The following EML6 variants were observed in gnomAD, a reference collection of about 807,000 sequenced individuals.
The protein encoded by EML6 is echinoderm microtubule-associated protein-like 6.
In EML6, 154 loss-of-function variants were observed where a neutral mutation model predicts 240.1. The ratio of observed to expected loss-of-function variants is 0.64; its 90% CI spans 0.56 to 0.73. The LOEUF is 0.73. Among genes scored for constraint, EML6 ranks in the 30% least tolerant of loss-of-function variants. EML6 has a pLI of 0.00. For synonymous variants in EML6, 1,148 were observed against 899.0 expected (o/e 1.28, Z -4.95); for missense variants, 2,964 against 2,474.6 (o/e 1.20, Z -4.20).
chr2:54,903,620 A>C, intron 24 of EML6, 118 bp downstream of exon 24: 2 of 783,556 alleles, frequency 2.6e-6, no homozygotes, highest in Non-Finnish European at 1.9e-6. Context: ...GAATCCCACA[A>C]CAATATAAAC....
At chr2:54,846,293 T>G (rs1405830547) in intron 8 of EML6, among the ~76,000 whole-genome samples, 1 of 152,112 alleles carries the variant, frequency 6.6e-6, no homozygotes, top group Non-Finnish European at 1.5e-5. Flanking sequence ...GTAACATATA[T>G]TTCAATCTGT....
Position 54,891,714 on chromosome 2 carries a change from C to T in EML6, c.2539+560C>T, listed in dbSNP as rs576650631. 4.1e-4 allele frequency among the ~76,000 whole-genome samples: 63 copies of T among 152,270 alleles called. 1 individual carries two copies. The highest frequency in any genetic ancestry group is 3.9e-3 in the Admixed American group (59 of 15,294). ...GAATTCTTAGTATCAGCTTTGGTGC[C>T]AAGCCCTAACTTATTATGCACAAAA... On this transcript the variant is annotated intron_variant, in intron 18 of 41. Coordinates refer to ENST00000356458, the MANE Select transcript of EML6 (RefSeq NM_001039753.4).
chr2:54,920,254 A>T (rs896144198), intron 26 of EML6, among the ~76,000 whole-genome samples: 1 of 152,116 alleles, frequency 6.6e-6, no homozygotes, highest in African/African-American at 2.4e-5. Context: ...GTTTTTGAAA[A>T]GGTAAAATTG....
chr2:54,840,589 A>G (rs1419359258), intron 7 of EML6, among the ~76,000 whole-genome samples: 1 of 152,226 alleles, frequency 6.6e-6, no homozygotes, highest in African/African-American at 2.4e-5. Flanking sequence ...AAATAAAGGA[A>G]TGAATATATC....
In EML6 at chr2:54,968,287, T is replaced by A; in HGVS notation, c.5751+6T>A. 1 of 1,551,618 alleles carries A rather than the reference T, an allele frequency of 6.4e-7. No individual in the cohort carries two copies. Among genetic ancestry groups the A allele is most frequent in the Non-Finnish European group, 8.7e-7 (1 of 1,146,988 alleles). On this transcript the variant is annotated splice_donor_region_variant and intron_variant, in intron 40 of 41. Coordinates refer to ENST00000356458, the MANE Select transcript of EML6 (RefSeq NM_001039753.4). Reference sequence around the variant, plus strand: ...TTCCATGCACAGAAAAATTTGTGAGTGTTCCTCAGAGTAACCTCCCTGCAG... The same window carrying A: ...TTCCATGCACAGAAAAATTTGTGAGAGTTCCTCAGAGTAACCTCCCTGCAG...
chr2:54,827,036 G>A (rs1572960646), intron 5 of EML6, among the ~76,000 whole-genome samples: 1 of 152,078 alleles, frequency 6.6e-6, no homozygotes, highest in Non-Finnish European at 1.5e-5. Flanking sequence ...AGCTGAGCTT[G>A]GTGGTGCACT....
intron 7 of EML6, among the ~76,000 whole-genome samples, chr2:54,836,915 C>G (rs1374952447): frequency 6.6e-6 from 1 of 152,154 alleles, no homozygotes; most frequent in Admixed American, 6.5e-5. Flanking sequence ...CTTAGAACAT[C>G]AGAAGTCCCT....
chr2:54,920,741 A>T (rs745399299), intron 26 of EML6, among the ~76,000 whole-genome samples: 1 of 152,196 alleles, frequency 6.6e-6, no homozygotes, highest in Non-Finnish European at 1.5e-5. Flanking sequence ...CCTGATGAAT[A>T]TAGGTGCAAA....
chr2:54,860,896 C>G (rs1444654013), intron 12 of EML6, among the ~76,000 whole-genome samples: 2 of 152,210 alleles, frequency 1.3e-5, no homozygotes, highest in African/African-American at 2.4e-5. Context: ...TCCTAAACCT[C>G]TTTGCTCTGG....
At chr2:54,816,274 T>C (rs1668078630) in intron 3 of EML6, among the ~76,000 whole-genome samples, 2 of 152,200 alleles carry the variant, frequency 1.3e-5, no homozygotes, top group Admixed American at 1.3e-4. Flanking sequence ...AAGTACCAGA[T>C]TACTTCTACT....
chr2:54,755,904 G>T (rs887511383), intron 2 of EML6, among the ~76,000 whole-genome samples: 1 of 151,844 alleles, frequency 6.6e-6, no homozygotes, highest in African/African-American at 2.4e-5. Flanking sequence ...CCTCTTAACC[G>T]CTGTTTTCTG....
chr2:54,948,720 G>A (rs967665569), intron 28 of EML6, among the ~76,000 whole-genome samples, 162 bp from the exon 29 acceptor site: 20 of 152,278 alleles, frequency 1.3e-4, no homozygotes, highest in Admixed American at 1.3e-4. Flanking sequence ...CGTGGCAGGC[G>A]GGGAGTGAGA....
chr2:54,883,570 G>C (rs1053127957), intron 17 of EML6, among the ~76,000 whole-genome samples: 1 of 152,192 alleles, frequency 6.6e-6, no homozygotes, highest in African/African-American at 2.4e-5. Flanking sequence ...GTGCTTGCTG[G>C]TGGGTTTATA....
At chr2:54,933,971 T>G (rs1316294771) in intron 28 of EML6, among the ~76,000 whole-genome samples, 1 of 152,110 alleles carries the variant, frequency 6.6e-6, no homozygotes, top group East Asian at 1.9e-4. Flanking sequence ...GAGGACAGAA[T>G]GAAGATAATT....
chr2:54,754,663 C>A (rs1226912562), intron 2 of EML6, among the ~76,000 whole-genome samples: 2 of 152,122 alleles, frequency 1.3e-5, no homozygotes, highest in African/African-American at 4.8e-5. Flanking sequence ...ATCAGACATT[C>A]TTTATTTAGT....
intron 2 of EML6, among the ~76,000 whole-genome samples, chr2:54,771,484 T>G (rs1668399439): frequency 6.6e-6 from 1 of 152,270 alleles, no homozygotes; most frequent in African/African-American, 2.4e-5. Flanking sequence ...CAGCTGTTTA[T>G]CACCATATTT....
chr2:54,963,169 A>C (rs1196314832), intron 36 of EML6, among the ~76,000 whole-genome samples: 1 of 152,184 alleles, frequency 6.6e-6, no homozygotes, highest in Non-Finnish European at 1.5e-5. Context: ...GCCGATCCTC[A>C]TGGCCTTATC....
At chr2:54,912,319 T>C (rs746141139) in intron 25 of EML6, among the ~76,000 whole-genome samples, 7 of 152,238 alleles carry the variant, frequency 4.6e-5, no homozygotes, top group South Asian at 2.1e-4. Flanking sequence ...GAGAAACTTA[T>C]GGCCTTGAGT....
chr2:54,790,846 C>T (rs1035105474), intron 2 of EML6, among the ~76,000 whole-genome samples: 3 of 151,764 alleles, frequency 2.0e-5, no homozygotes, highest in African/African-American at 4.8e-5. Context: ...CTGCCTCAGC[C>T]TCCCGAGTAG....
Sources: allele counts gnomAD v4.1 joint callset (sites outside exome capture counted in the v4.1 genomes callset), GRCh38; gene constraint gnomAD v4.1.1; transcripts MANE v1.5; gene names NCBI Gene and HGNC (gene_info 2026-07-23, HGNC 2026-07-21).